The following APLF variants were observed in gnomAD, a reference collection of about 807,000 sequenced individuals.
APLF encodes aprataxin and PNK-like factor.
Under a neutral mutation model 55.6 loss-of-function variants are expected in APLF, and 61 were observed. That is an observed-to-expected ratio of 1.10 (90% confidence interval 0.89 to 1.36). The LOEUF (loss-of-function observed/expected upper bound fraction) is 1.36. APLF is among the 40% of genes most tolerant of loss of function. The pLI, the probability that APLF is intolerant of heterozygous loss-of-function variation, is 0.00. For synonymous variants in APLF, 207 were observed against 214.8 expected, an observed-to-expected ratio of 0.96 and a Z score of 0.32; for missense variants, 611 against 602.5, an observed-to-expected ratio of 1.01 and a Z score of -0.15.
chr2:68,559,023 T>G (rs1671094119), intron 8 of APLF, among the ~76,000 whole-genome samples: 1 of 152,212 alleles, frequency 6.6e-6, no homozygotes, highest in Admixed American at 6.6e-5. Flanking sequence ...TAGTTAATCT[T>G]TAGGTACTTC....
At chr2:68,575,651 G>T (rs2104087009) in intron 9 of APLF, among the ~76,000 whole-genome samples, 1 of 152,008 alleles carries the variant, frequency 6.6e-6, no homozygotes, top group East Asian at 1.9e-4. Flanking sequence ...GGTATTAGAT[G>T]TTGGGTTCTC....
At position 68,538,245 on chromosome 2, in the gene APLF, T is replaced by G; in HGVS notation, c.1160+18T>G. ...TGCTATAGGTAAAATGAAATTACAG[T>G]AACATTTAATTCCATTATTTTGATA... is the stretch of plus-strand genomic sequence containing the variant. On this transcript the variant is annotated intron_variant, in intron 7 of 9. Coordinates refer to ENST00000303795, the MANE Select transcript of APLF (RefSeq NM_173545.3). 1 of 1,557,850 alleles carries G rather than the reference T, an allele frequency of 6.4e-7. No individual in the cohort carries two copies. Among genetic ancestry groups the G allele is most frequent in the Non-Finnish European group, 8.7e-7 (1 of 1,148,378 alleles).
chr2:68,516,800 G>A (rs991424778), intron 5 of APLF, among the ~76,000 whole-genome samples: 2 of 144,780 alleles, frequency 1.4e-5, no homozygotes, highest in Non-Finnish European at 3.0e-5. Context: ...GTATTCCATG[G>A]TGTATTTGTA....
intron 1 of APLF, among the ~76,000 whole-genome samples, chr2:68,479,232 C>A (rs758815828): frequency 6.6e-6 from 1 of 152,162 alleles, no homozygotes; most frequent in Non-Finnish European, 1.5e-5. Flanking sequence ...CTAGAGAGAA[C>A]ATCACGAGTC....
At chr2:68,480,648 A>G (rs759440650) in intron 1 of APLF, among the ~76,000 whole-genome samples, 3 of 151,938 alleles carry the variant, frequency 2.0e-5, no homozygotes, top group African/African-American at 4.8e-5. Flanking sequence ...TAATAGTACT[A>G]TATTTAATAA....
intron 3 of APLF, 110 bp downstream of exon 3, chr2:68,503,013 A>AG (rs1676769468): frequency 8.3e-7 from 1 of 1,198,212 alleles, no homozygotes; most frequent in Admixed American, 2.4e-5. Context: ...GAGATAGAGT[A>AG]GGTGTGTAAT....
chr2:68,556,253 A>T (rs929341987), intron 8 of APLF, among the ~76,000 whole-genome samples: 15 of 152,202 alleles, frequency 9.9e-5, no homozygotes, highest in Non-Finnish European at 1.5e-4. Flanking sequence ...GGTGCAGTGT[A>T]TGCTGCTCGG....
chr2:68,515,250 G>A (rs917935105), intron 5 of APLF, among the ~76,000 whole-genome samples: 1 of 151,022 alleles, frequency 6.6e-6, no homozygotes, highest in African/African-American at 2.4e-5. Context: ...TTCTACTACA[G>A]TTGTTTTCAG....
In APLF at chr2:68,499,078, G is replaced by A. The variant is rs372802698; in HGVS notation, c.169-3653G>A. On this transcript the variant is annotated intron_variant, in intron 2 of 9. Transcript: ENST00000303795. ...CACTGAAAATAAGGTGCTTTTTGGG[G>A]GTATACATCTATCATTCTTTAGTAT... 7.9e-5 allele frequency among the ~76,000 whole-genome samples: 12 copies of A among 151,890 alleles called. No homozygotes were observed. In the East Asian group the frequency reaches 1.9e-3, roughly 24 times the overall value.
intron 8 of APLF, among the ~76,000 whole-genome samples, chr2:68,555,292 TA>T (rs1157667918): frequency 6.6e-6 from 1 of 151,886 alleles, no homozygotes; most frequent in Non-Finnish European, 1.5e-5. Flanking sequence ...AGTGCAATAA[TA>T]ACAAAGATAA....
intron 8 of APLF, among the ~76,000 whole-genome samples, chr2:68,561,069 TTTA>T (rs1354655715): frequency 6.6e-6 from 1 of 152,146 alleles, no homozygotes; most frequent in Non-Finnish European, 1.5e-5. Context: ...AATTCAGCTA[TTTA>T]ATATTAATTG....
intron 2 of APLF, among the ~76,000 whole-genome samples, chr2:68,491,510 C>T (rs1035236347): frequency 5.9e-5 from 9 of 152,292 alleles, no homozygotes; most frequent in Non-Finnish European, 7.4e-5. Context: ...ATGTTATTCT[C>T]TAGTGCCCAA....
chr2:68,531,444 A>G (rs1324961793), intron 6 of APLF: 1 of 152,144 alleles, frequency 6.6e-6, no homozygotes, highest in Non-Finnish European at 1.5e-5. Flanking sequence ...GTCTTCGAAT[A>G]TATTCTCCTC....
intron 8 of APLF, among the ~76,000 whole-genome samples, chr2:68,555,731 G>A (rs1670990885): frequency 6.6e-6 from 1 of 152,106 alleles, no homozygotes; most frequent in South Asian, 2.1e-4. Context: ...TGGTGAACAG[G>A]GAACACTTCT....
intron 8 of APLF, among the ~76,000 whole-genome samples, chr2:68,565,418 G>A (rs1321031126): frequency 1.3e-5 from 2 of 151,874 alleles, no homozygotes; most frequent in East Asian, 1.9e-4. Flanking sequence ...CTATGATTGT[G>A]CCCTGCACTC....
At chr2:68,551,588 T>TTAA (rs1670861918) in intron 8 of APLF, among the ~76,000 whole-genome samples, 1 of 144,866 alleles carries the variant, frequency 6.9e-6, no homozygotes, top group Non-Finnish European at 1.5e-5. Context: ...GGATGTTTAT[T>TTAA]TAATTCTTCT....
intron 2 of APLF, among the ~76,000 whole-genome samples, chr2:68,495,058 C>T (rs1039482789): frequency 1.3e-5 from 2 of 152,146 alleles, no homozygotes; most frequent in African/African-American, 4.8e-5. Context: ...GGCCCCACCT[C>T]CAGCATTTGT....
intron 6 of APLF, among the ~76,000 whole-genome samples, chr2:68,533,619 A>G (rs1474290341): frequency 1.3e-5 from 2 of 152,156 alleles, no homozygotes; most frequent in Non-Finnish European, 2.9e-5. Flanking sequence ...CTGAAGATGA[A>G]GCATCTGTGA....
At chr2:68,554,140 G>A (rs549281660) in intron 8 of APLF, among the ~76,000 whole-genome samples, 117 of 152,014 alleles carry the variant, frequency 7.7e-4, no homozygotes, top group South Asian at 6.2e-4. Flanking sequence ...AAAACTGTAC[G>A]TATATGGGTA....
Sources: gnomAD v4.1 joint callset for allele counts (sites outside exome capture counted in the v4.1 genomes callset) on GRCh38, gnomAD v4.1.1 for gene constraint, MANE v1.5 for transcripts, NCBI Gene and HGNC (gene_info 2026-07-23, HGNC 2026-07-21) for gene names.